The following MYH11 variants were observed in gnomAD, a reference collection of about 807,000 sequenced individuals.
MYH11 encodes the protein myosin-11.
A neutral mutation model predicts 246.6 loss-of-function variants in MYH11; 80 were observed. That is an observed-to-expected ratio of 0.32 (90% CI 0.27 to 0.39). MYH11 has a LOEUF of 0.39. MYH11 is among the 10% of genes least tolerant of loss of function. The pLI is 1.00. For synonymous variants in MYH11, 1,071 were observed against 1,015.5 expected (o/e 1.05, Z -1.04); for missense variants, 2,158 against 2,546.8 (o/e 0.85, Z 3.29).
At chr16:15,842,466 GA>G (rs566454110) in intron 1 of MYH11, among the ~76,000 whole-genome samples, 92 of 151,662 alleles carry the variant, frequency 6.1e-4, no homozygotes, top group Non-Finnish European at 7.2e-4. Flanking sequence ...CGTAGCTGAT[GA>G]AAAAAAAGTG....
Position 15,756,371 on chromosome 16 carries a change from A to C in MYH11, c.1719T>G (p.Thr573=). The part of the protein sequence containing the change: ...FQKPKQLKDK[T]EFSIIHYAGK... ...CAGCATAATGGATGATGGAGAACTC[A>C]GTCTTGTCCTTGAGCTGCTTGGGCT... is the stretch of plus-strand genomic sequence containing the variant. The change falls in exon 14 of 41, where the codon ACT becomes ACG. Residue 573 remains threonine, a synonymous_variant. Transcript: ENST00000300036. 2 of 1,614,154 alleles carry C rather than the reference A, an allele frequency of 1.2e-6. No individual in the cohort carries two copies. The highest frequency in any genetic ancestry group is 1.7e-6 in the Non-Finnish European group (2 of 1,180,034).
intron 2 of MYH11, among the ~76,000 whole-genome samples, chr16:15,826,263 C>CT (rs2043562441): frequency 6.6e-6 from 1 of 151,906 alleles, no homozygotes; most frequent in Non-Finnish European, 1.5e-5. Flanking sequence ...CCTCAAGGGC[C>CT]TTTTAGTCAA....
rs142898461 is a variant in MYH11, at chr16:15,838,329, A to G, written c.-17-60T>C. The G allele has an allele frequency of 4.7e-4, 642 of 1,359,010 alleles. 7 individuals carry two copies. In the East Asian group the frequency reaches 0.01, roughly 22 times the overall value. 84.2% of individuals were successfully genotyped at this position (1,359,010 alleles called of 1,614,324 possible). A position where few individuals can be genotyped will look rare whatever the true frequency, so the allele number is the denominator to read the frequency against. ...ACAACCAAGCCCGGAAGACAGACCAACCACTCACCTTGCCCTGTCTAGGAA... is the reference window on the plus strand; with the variant it reads ...ACAACCAAGCCCGGAAGACAGACCAGCCACTCACCTTGCCCTGTCTAGGAA... On this transcript the variant is annotated intron_variant, in intron 1 of 40. Coordinates refer to ENST00000300036, the MANE Select transcript of MYH11 (RefSeq NM_002474.3).
rs374559754 is a variant in MYH11, at chr16:15,798,608, T to TAAAAAAAAAAAAAAAAA, written c.530+51_530+52insTTTTTTTTTTTTTTTTT. On this transcript the variant is annotated intron_variant, in intron 4 of 40. Transcript: ENST00000300036. ...CATAGGTTGGATCTCGACTACAGATTAAAAAAAAAAAAAAACAAAAAAAAA... is the reference window on the plus strand; with the variant it reads ...CATAGGTTGGATCTCGACTACAGATTAAAAAAAAAAAAAAAAAAAAAAAAAAAAAAAACAAAAAAAAA... 4.7e-5 allele frequency: 49 copies of TAAAAAAAAAAAAAAAAA among 1,037,352 alleles called. 2 individuals carry two copies. The African/African-American group carries it at 8.0e-4, about 17-fold the overall frequency. 64.3% of individuals were successfully genotyped at this position (1,037,352 alleles called of 1,614,324 possible).
chr16:15,846,956 A>C (rs978405608), intron 1 of MYH11, among the ~76,000 whole-genome samples: 1 of 152,078 alleles, frequency 6.6e-6, no homozygotes, highest in African/African-American at 2.4e-5. Context: ...CCCCATCTAT[A>C]AAAAATATAT....
chr16:15,788,075 A>ATTTTTTTTTTTTTTTTTTTTT (rs1555569323), intron 4 of MYH11, among the ~76,000 whole-genome samples: 1 of 42,716 alleles, frequency 2.3e-5, no homozygotes, highest in African/African-American at 1.3e-4. Flanking sequence ...ATGAAGGTAG[A>ATTTTTTTTTTTTTTTTTTTTT]TCTTTTTTTT....
chr16:15,805,609 C>T (rs1314090504), intron 3 of MYH11, among the ~76,000 whole-genome samples: 1 of 152,122 alleles, frequency 6.6e-6, no homozygotes, highest in Non-Finnish European at 1.5e-5. Flanking sequence ...AGTATTCAGC[C>T]ATGAAAAGAA....
intron 3 of MYH11, among the ~76,000 whole-genome samples, chr16:15,814,693 G>A (rs906933083): frequency 2.0e-5 from 3 of 151,642 alleles, no homozygotes; most frequent in African/African-American, 4.9e-5. Flanking sequence ...GGCAATGCCA[G>A]GGGCCTCTGG....
intron 1 of MYH11, among the ~76,000 whole-genome samples, chr16:15,840,683 A>C (rs116448644): frequency 6.6e-6 from 1 of 152,022 alleles, no homozygotes; most frequent in Non-Finnish European, 1.5e-5. Flanking sequence ...AGTGAGTTGT[A>C]ATCATGCCAC....
At chr16:15,738,711 A>G (rs779246099) in intron 23 of MYH11, 23 bp from the exon 24 acceptor site, 1 of 1,612,692 alleles carries the variant, frequency 6.2e-7, no homozygotes, top group Non-Finnish European at 8.5e-7. Context: ...AGAGAAAGAG[A>G]TAGCTTTAGG....
At chr16:15,717,870 C>T (rs2040248235) in intron 37 of MYH11, 1 of 278,620 alleles carries the variant, frequency 3.6e-6, no homozygotes, top group Non-Finnish European at 6.9e-6. Flanking sequence ...TTTCTCTGTC[C>T]TGGAGTCGCC....
rs571200329 is a variant in MYH11 at position 15,756,134 on chromosome 16, C to T, written c.1749+207G>A. On this transcript the variant is annotated intron_variant, in intron 14 of 40. Transcript: ENST00000300036. ...GAAAGAAATAACTGTCTGGACGTCA[C>T]GGTTGGAAAACATGAGAGTGGCTAC... 9.3e-4 allele frequency among the ~76,000 whole-genome samples: 142 copies of T among 152,306 alleles called. No homozygotes were observed. In the Middle Eastern group the frequency reaches 0.01, roughly 11 times the overall value.
Position 15,834,501 on chromosome 16 carries a change from G to C in MYH11, c.345+3407C>G, listed in dbSNP as rs116575344. Among the ~76,000 whole-genome samples the C allele has an allele frequency of 2.4e-3, 357 of 147,810 alleles. 3 individuals are homozygous for C. The highest frequency in any genetic ancestry group is 8.3e-3 in the African/African-American group (331 of 40,038). Reference sequence around the variant, plus strand: ...AGATCGCTCCACTTCACTCCAGCCTGAGCAACAAAAGTGAAATTCCATCTC... The same window carrying C: ...AGATCGCTCCACTTCACTCCAGCCTCAGCAACAAAAGTGAAATTCCATCTC... On this transcript the variant is annotated intron_variant, in intron 2 of 40. Coordinates refer to ENST00000300036, the MANE Select transcript of MYH11 (RefSeq NM_002474.3).
At chr16:15,725,812 C>G in intron 28 of MYH11, 1 of 397,890 alleles carries the variant, frequency 2.5e-6, no homozygotes, top group East Asian at 3.6e-5. Context: ...AGACCAAAGA[C>G]AAAAAGACCA....
At chr16:15,725,956 C>T in intron 28 of MYH11, 1 of 356,026 alleles carries the variant, frequency 2.8e-6, no homozygotes, top group Non-Finnish European at 5.0e-6. Context: ...TCTGTACTAT[C>T]TCCCCCTACC....
Position 15,718,130 on chromosome 16 carries a change from C to T in MYH11, c.5295+185G>A. On this transcript the variant is annotated intron_variant, in intron 37 of 40. Coordinates refer to ENST00000300036, the MANE Select transcript of MYH11 (RefSeq NM_002474.3). ...ACACTGCAGCGTGGAGAGGAGTATT[C>T]TGAAGACAGCAGCCTGGGCACTGGT... The T allele has an allele frequency of 3.3e-6, 3 of 918,244 alleles. No homozygotes were observed. In the South Asian group the frequency reaches 4.5e-5, roughly 14 times the overall value. The allele number at this position is 918,244 out of a possible 1,614,324, so 56.9% of individuals were successfully genotyped here. A position where few individuals can be genotyped will look rare whatever the true frequency, so the allele number is the denominator to read the frequency against.
chr16:15,838,810 T>TCA (rs2043974189), intron 1 of MYH11, among the ~76,000 whole-genome samples: 2 of 137,450 alleles, frequency 1.5e-5, no homozygotes, highest in African/African-American at 5.6e-5. Flanking sequence ...TGAGCCAAGA[T>TCA]AGTGCCACTG....
intron 10 of MYH11, 55 bp downstream of exon 10, chr16:15,763,741 T>TCGGGCCCCCCCCCCC: frequency 1.5e-6 from 1 of 646,858 alleles, no homozygotes; most frequent in Non-Finnish European, 2.9e-6. Flanking sequence ...AAATGTCACC[T>TCGGGCCCCCCCCCCC]CCCCCACCCC....
intron 13 of MYH11, among the ~76,000 whole-genome samples, chr16:15,757,408 C>T (rs2041753035): frequency 1.4e-5 from 2 of 144,548 alleles, no homozygotes; most frequent in South Asian, 4.6e-4. Context: ...ACTTGGGAGG[C>T]TGAGGCGGGA....
Sources: gnomAD v4.1 joint callset for allele counts (sites outside exome capture counted in the v4.1 genomes callset) on GRCh38, gnomAD v4.1.1 for gene constraint, MANE v1.5 for transcripts, NCBI Gene and HGNC (gene_info 2026-07-23, HGNC 2026-07-21) for gene names.